IL1RAPL2: variants seen among roughly 807,000 people sequenced by gnomAD.
The protein encoded by IL1RAPL2 is interleukin 1 receptor accessory protein like 2.
IL1RAPL2 carries 3 observed loss-of-function variants against 44.1 expected under a neutral mutation model. The observed-to-expected ratio is 0.07, with a 90% confidence interval of 0.03 to 0.18. The LOEUF is 0.18. IL1RAPL2 is among the 10% of genes least tolerant of loss of function. IL1RAPL2 has a pLI of 1.00. For missense variants in IL1RAPL2, 391 were observed against 496.4 expected (o/e 0.79, Z 2.02); for synonymous variants, 181 against 178.8 (o/e 1.01, Z -0.10).
At chrX:104,803,381 A>G (rs1191099393) in intron 2 of IL1RAPL2, among the ~76,000 whole-genome samples, 1 of 112,332 alleles carries the variant, frequency 8.9e-6, no homozygotes, top group Non-Finnish European at 1.9e-5. Context: ...AATCAGTCAG[A>G]TAAGGATCAC....
intron 2 of IL1RAPL2, among the ~76,000 whole-genome samples, chrX:105,024,593 T>G (rs1363704624): frequency 1.8e-5 from 2 of 111,504 alleles, no homozygotes; most frequent in Admixed American, 1.9e-4. Flanking sequence ...TTTTGTTGTT[T>G]AGGGCAAGTG....
At chrX:105,482,297 T>C (rs950032191) in intron 5 of IL1RAPL2, among the ~76,000 whole-genome samples, 24 of 111,557 alleles carry the variant, frequency 2.2e-4, no homozygotes, top group Non-Finnish European at 5.7e-5. Flanking sequence ...AACATATTCA[T>C]TTTTTTTAAA....
chrX:105,750,064 AAG>A (rs1037283577), intron 9 of IL1RAPL2, among the ~76,000 whole-genome samples: 7 of 111,214 alleles, frequency 6.3e-5, no homozygotes, highest in Non-Finnish European at 1.1e-4. Context: ...TACCTCAAAA[AAG>A]AGAAATTCAC....
intron 5 of IL1RAPL2, among the ~76,000 whole-genome samples, chrX:105,411,754 G>T (rs991159143): frequency 9.0e-6 from 1 of 111,583 alleles, no homozygotes; most frequent in African/African-American, 3.3e-5. Flanking sequence ...ACAATAGAAA[G>T]AAAGTCAACA....
chrX:104,640,685 G>T (rs889960643), intron 1 of IL1RAPL2, among the ~76,000 whole-genome samples: 15 of 112,069 alleles, frequency 1.3e-4, no homozygotes, highest in Admixed American at 7.6e-4. Flanking sequence ...CTATGATGCT[G>T]GTTGGGGAGG....
chrX:105,720,578 C>T (rs1240183859), intron 7 of IL1RAPL2, among the ~76,000 whole-genome samples: 1 of 111,284 alleles, frequency 9.0e-6, no homozygotes, highest in Non-Finnish European at 1.9e-5. Flanking sequence ...CGTGATTATA[C>T]AAAAATTACT....
chrX:104,621,692 G>A (rs1929404517), intron 1 of IL1RAPL2, among the ~76,000 whole-genome samples: 1 of 111,159 alleles, frequency 9.0e-6, no homozygotes, highest in African/African-American at 3.3e-5. Context: ...TAATGATTTG[G>A]AGTGGTTATT....
At chrX:105,393,669 G>A (rs376845286) in intron 5 of IL1RAPL2, among the ~76,000 whole-genome samples, 5 of 111,739 alleles carry the variant, frequency 4.5e-5, no homozygotes, top group African/African-American at 1.6e-4. Context: ...GCAAGATTGA[G>A]TAAACTATGT....
chrX:104,609,928 G>A (rs1295311017), intron 1 of IL1RAPL2, among the ~76,000 whole-genome samples: 1 of 111,376 alleles, frequency 9.0e-6, no homozygotes, highest in East Asian at 2.8e-4. Context: ...AGGAGAAGAG[G>A]CATTCTGTTT....
intron 6 of IL1RAPL2, among the ~76,000 whole-genome samples, chrX:105,591,376 G>A: frequency 9.1e-6 from 1 of 110,279 alleles, no homozygotes; most frequent in Middle Eastern, 4.7e-3. Flanking sequence ...TACTTCTGGT[G>A]TCTTCGATTT....
chrX:105,698,892 C>T (rs2038097753), intron 6 of IL1RAPL2, among the ~76,000 whole-genome samples: 1 of 111,609 alleles, frequency 9.0e-6, no homozygotes, highest in African/African-American at 3.3e-5. Flanking sequence ...AAAAACAAAT[C>T]TCAATCAACC....
intron 2 of IL1RAPL2, among the ~76,000 whole-genome samples, chrX:104,943,014 T>G (rs1925232217): frequency 8.9e-6 from 1 of 111,789 alleles, no homozygotes; most frequent in African/African-American, 3.3e-5. Flanking sequence ...TTGCGTATAT[T>G]GAACCAGCCT....
chrX:104,977,258 C>T (rs1289412778), intron 2 of IL1RAPL2, among the ~76,000 whole-genome samples: 1 of 111,935 alleles, frequency 8.9e-6, no homozygotes. Context: ...GATTGTTTAC[C>T]TGCCAGCCTA....
chrX:105,119,601 A>G (rs2032899601), intron 2 of IL1RAPL2, among the ~76,000 whole-genome samples: 1 of 80,757 alleles, frequency 1.2e-5, no homozygotes, highest in Non-Finnish European at 2.4e-5. Context: ...GTGCCCAATA[A>G]CTTCTGACCT....
intron 2 of IL1RAPL2, among the ~76,000 whole-genome samples, chrX:104,696,895 A>G (rs757485742): frequency 2.6e-4 from 29 of 111,919 alleles, no homozygotes; most frequent in African/African-American, 7.8e-4. Flanking sequence ...GGAGGGTCAA[A>G]GGATAGATTT....
chrX:104,593,365 G>A (rs1928705994), intron 1 of IL1RAPL2, among the ~76,000 whole-genome samples: 1 of 111,841 alleles, frequency 8.9e-6, no homozygotes, highest in Non-Finnish European at 1.9e-5. Context: ...ATATTTTGGG[G>A]AGAAACCATT....
chrX:105,495,285 T>C (rs2036349190), intron 6 of IL1RAPL2, among the ~76,000 whole-genome samples: 1 of 111,882 alleles, frequency 8.9e-6, no homozygotes, highest in African/African-American at 3.2e-5. Context: ...AAAAAGGAAC[T>C]CCTTCAAAAA....
intron 5 of IL1RAPL2, among the ~76,000 whole-genome samples, chrX:105,319,163 T>C (rs1179829898): frequency 8.9e-6 from 1 of 111,883 alleles, no homozygotes; most frequent in African/African-American, 3.3e-5. Context: ...CTTTCTGTGT[T>C]GGCTATGTTT....
chrX:105,242,409 G>C (rs782506809), intron 4 of IL1RAPL2, among the ~76,000 whole-genome samples: 1 of 111,433 alleles, frequency 9.0e-6, no homozygotes, highest in African/African-American at 3.3e-5. Context: ...GAGCTTTTTC[G>C]TATAAACATC....
Sources: allele counts gnomAD v4.1 joint callset (sites outside exome capture counted in the v4.1 genomes callset), GRCh38; gene constraint gnomAD v4.1.1; transcripts MANE v1.5; gene names NCBI Gene and HGNC (gene_info 2026-07-23, HGNC 2026-07-21).